ZKSCAN7: variants seen among roughly 807,000 people sequenced by gnomAD.
ZKSCAN7 encodes the protein zinc finger with KRAB and SCAN domains 7.
In ZKSCAN7, 38 loss-of-function variants were observed where a neutral mutation model predicts 65.3. The ratio of observed to expected loss-of-function variants is 0.58; its 90% CI spans 0.45 to 0.76. The LOEUF (loss-of-function observed/expected upper bound fraction) is 0.76, where lower values mean the gene tolerates loss of function less well. ZKSCAN7 is among the 30% of genes least tolerant of loss of function. ZKSCAN7 has a pLI of 0.00. For synonymous variants in ZKSCAN7, 321 were observed against 321.0 expected, an observed-to-expected ratio of 1.00 and a Z score of 0.00; for missense variants, 815 against 913.3, an observed-to-expected ratio of 0.89 and a Z score of 1.39.
At chr3:44,576,871 G>T (rs906386610), downstream of ZKSCAN7, among the ~76,000 whole-genome samples, 7 of 152,046 alleles carry the variant, frequency 4.6e-5, no homozygotes, top group Non-Finnish European at 8.8e-5. Context: ...CTCCTTCCAA[G>T]TTCTCTGCCT....
Position 44,557,004 on chromosome 3 carries a change from A to G in ZKSCAN7, c.-44A>G, listed in dbSNP as rs752839398. 1 of 1,611,980 alleles carries G rather than the reference A, an allele frequency of 6.2e-7. No homozygotes were observed. The highest frequency in any genetic ancestry group is 1.7e-5 in the Admixed American group (1 of 59,252). On this transcript the variant is annotated 5_prime_UTR_variant, in exon 2 of 6. Transcript: ENST00000426540. Reference sequence around the variant, plus strand: ...ACCTGAACTATTGACCATCATTTTAATCGGACCAACTGCAGCTGTAACAAG... The same window carrying G: ...ACCTGAACTATTGACCATCATTTTAGTCGGACCAACTGCAGCTGTAACAAG...
At chr3:44,575,844 C>T (rs1269770612), downstream of ZKSCAN7, among the ~76,000 whole-genome samples, 3 of 152,186 alleles carry the variant, frequency 2.0e-5, no homozygotes, top group Non-Finnish European at 2.9e-5. Context: ...TCCCAAAGTG[C>T]TGGGATTACA....
At chr3:44,565,153 A>T (rs779304024) in intron 2 of ZKSCAN7, among the ~76,000 whole-genome samples, 3 of 152,152 alleles carry the variant, frequency 2.0e-5, no homozygotes, top group Non-Finnish European at 4.4e-5. Flanking sequence ...GCCCTAGAGA[A>T]TGTACTGAAT....
At chr3:44,572,305 G>A (rs1699827557), downstream of ZKSCAN7, 1 of 898,586 alleles carries the variant, frequency 1.1e-6, no homozygotes, top group African/African-American at 1.8e-5. Flanking sequence ...ACTCCTGGAA[G>A]TCTTACTACT....
chr3:44,578,301 C>T, intron 5 of ZKSCAN7: 1 of 1,588,294 alleles, frequency 6.3e-7, no homozygotes, highest in South Asian at 1.1e-5. Flanking sequence ...TACTGTATTT[C>T]CGATTCCTAT....
chr3:44,577,109 G>A (rs148313140), downstream of ZKSCAN7, among the ~76,000 whole-genome samples: 4 of 152,032 alleles, frequency 2.6e-5, no homozygotes, highest in Middle Eastern at 3.4e-3. Context: ...GACTACAGGC[G>A]CATGTTACCA....
At position 44,570,451 on chromosome 3, in the gene ZKSCAN7, C is replaced by T; in HGVS notation, c.1341C>T (p.Ala447=). The change falls in exon 6 of 6, where the codon GCC becomes GCT. Residue 447 remains alanine (A), a synonymous_variant. Coordinates refer to ENST00000426540, the MANE Select transcript of ZKSCAN7 (RefSeq NM_001288590.2). ...ATGAATGCAGTGAGTGTGGAAAGGC[C>T]TATAGGCACAGCTCCCATCTCATTC... ...KPYECSECGK[A]YRHSSHLIQH... The T allele has an allele frequency of 6.2e-7, 1 of 1,613,962 alleles. No homozygotes were observed. Among genetic ancestry groups the T allele is most frequent in the Non-Finnish European group, 8.5e-7 (1 of 1,179,992 alleles).
intron 2 of ZKSCAN7, among the ~76,000 whole-genome samples, chr3:44,562,756 G>C (rs183562981): frequency 9.2e-5 from 14 of 152,298 alleles, no homozygotes; most frequent in African/African-American, 3.1e-4. Flanking sequence ...GCTGAGGCAG[G>C]TGGATCACGA....
chr3:44,580,240 T>C (rs889617809), intron 5 of ZKSCAN7: 11 of 1,613,254 alleles, frequency 6.8e-6, no homozygotes, highest in Non-Finnish European at 9.3e-6. Context: ...GAGAAGTAGC[T>C]GCTCTCCCCC....
Position 44,571,408 on chromosome 3 carries a change from T to G in ZKSCAN7, c.*33T>G. The G allele has an allele frequency of 6.2e-7, 1 of 1,610,144 alleles. No individual in the cohort carries two copies. The highest frequency in any genetic ancestry group is 8.5e-7 in the Non-Finnish European group (1 of 1,179,982). On this transcript the variant is annotated 3_prime_UTR_variant, in exon 6 of 6. Coordinates refer to ENST00000426540, the MANE Select transcript of ZKSCAN7 (RefSeq NM_001288590.2). ...TTCTCTGAGACAGAGAGCAACGACCTTTGAGTTAAGCTGTCTTTATAAGCA... is the reference window on the plus strand; with the variant it reads ...TTCTCTGAGACAGAGAGCAACGACCGTTGAGTTAAGCTGTCTTTATAAGCA...
chr3:44,568,673 A>G (rs1408771017), intron 5 of ZKSCAN7, among the ~76,000 whole-genome samples: 1 of 152,230 alleles, frequency 6.6e-6, no homozygotes, highest in East Asian at 1.9e-4. Context: ...TAAGGAACAG[A>G]GAGCCACTCA....
rs1003605125 is a variant in ZKSCAN7 at position 44,570,974 on chromosome 3, C to T, written c.1864C>T (p.Leu622Phe). Reference sequence around the variant, plus strand: ...TAAGGCATTTGGTCTGAGTAAATGTCTTATTCGGCACCAGAGACTTCACAC... The same window carrying T: ...TAAGGCATTTGGTCTGAGTAAATGTTTTATTCGGCACCAGAGACTTCACAC... ...CGKAFGLSKC[L>F]IRHQRLHTGE... The change falls in exon 6 of 6, where the codon CTT becomes TTT. Residue 622 changes from leucine (L) to phenylalanine (F), a missense_variant. Transcript: ENST00000426540. The T allele has an allele frequency of 1.2e-6, 2 of 1,614,208 alleles. No homozygotes were observed. The highest frequency in any genetic ancestry group is 2.7e-5 in the African/African-American group (2 of 75,048).
In ZKSCAN7 at chr3:44,568,338, A is replaced by G. The variant is rs775334129; in HGVS notation, c.716A>G (p.Asp239Gly). ...GTGGCATATGAGGACCTATCTGTAG[A>G]CTACACTCAGAAGAAATGGAAAAGT... The part of the protein sequence containing the change: ...DTVAYEDLSV[D>G]YTQKKWKSLT... Residue 239 changes from aspartate (D) to glycine (G), a missense_variant, in exon 5 of 6, where the codon GAC (aspartate) becomes GGC (glycine). Physicochemically the swap from Asp to Gly is moderately conservative, Grantham distance 94. Around this residue, in one of 3 missense-constraint regions of ZKSCAN7, gnomAD observed 578 missense variants for 629.5 expected, o/e 0.92. Transcript: ENST00000426540. The G allele has an allele frequency of 1.9e-6, 3 of 1,613,872 alleles. No homozygotes were observed. The African/African-American group carries it at 4.0e-5, about 22-fold the overall frequency.
downstream of ZKSCAN7, among the ~76,000 whole-genome samples, chr3:44,574,948 A>C (rs1699893672): frequency 6.6e-6 from 1 of 151,978 alleles, no homozygotes; most frequent in African/African-American, 2.4e-5. Context: ...AAACAAAACA[A>C]AACAAAATGA....
downstream of ZKSCAN7, among the ~76,000 whole-genome samples, chr3:44,576,602 T>G (rs1197412224): frequency 6.6e-6 from 1 of 152,134 alleles, no homozygotes; most frequent in Non-Finnish European, 1.5e-5. Context: ...CATTAGTGAA[T>G]GACAAGGGCT....
chr3:44,564,735 TCTTATCTTTTTTTACA>T (rs1190210529), intron 2 of ZKSCAN7, among the ~76,000 whole-genome samples: 3 of 152,194 alleles, frequency 2.0e-5, no homozygotes, highest in Non-Finnish European at 4.4e-5. Context: ...CATCCACAAA[TCTTATCTTTTTTTACA>T]CTTATCTTTT....
intron 2 of ZKSCAN7, among the ~76,000 whole-genome samples, chr3:44,562,806 T>C (rs1381900753): frequency 6.6e-6 from 1 of 151,956 alleles, no homozygotes; most frequent in Non-Finnish European, 1.5e-5. Context: ...CCATCTCTAC[T>C]AAAAATACAA....
chr3:44,558,389 G>T (rs928257509), intron 2 of ZKSCAN7, among the ~76,000 whole-genome samples: 1 of 152,062 alleles, frequency 6.6e-6, no homozygotes, highest in Non-Finnish European at 1.5e-5. Flanking sequence ...GCTAGGTAGG[G>T]TGGCATATAC....
chr3:44,574,525 T>G (rs908627027), downstream of ZKSCAN7, among the ~76,000 whole-genome samples: 1 of 152,258 alleles, frequency 6.6e-6, no homozygotes, highest in African/African-American at 2.4e-5. Context: ...TTTTTAGTAT[T>G]TCACATTTTC....
Sources: gnomAD v4.1 joint callset for allele counts (sites outside exome capture counted in the v4.1 genomes callset) on GRCh38, gnomAD v4.1.1 for gene constraint, gnomAD v4.1.1 regional missense constraint, MANE v1.5 for transcripts, NCBI Gene and HGNC (gene_info 2026-07-23, HGNC 2026-07-21) for gene names.